ADGRB1: variants seen among roughly 807,000 people sequenced by gnomAD.
ADGRB1 encodes adhesion G protein-coupled receptor B1.
Under a neutral mutation model 175.7 loss-of-function variants are expected in ADGRB1, and 36 were observed. The ratio of observed to expected loss-of-function variants is 0.20; its 90% CI spans 0.16 to 0.27. ADGRB1 has a LOEUF of 0.27. Among genes scored for constraint, ADGRB1 ranks in the 10% least tolerant of loss-of-function variants. The probability of loss-of-function intolerance (pLI) is 1.00; values close to 1 mark genes in which losing one functional copy is unlikely to be tolerated. For missense variants in ADGRB1, 1,731 were observed against 2,255.3 expected (o/e 0.77, Z 4.71); for synonymous variants, 1,054 against 979.4 (o/e 1.08, Z -1.42).
At position 142,510,359 on chromosome 8, in the gene ADGRB1, C is replaced by A. The variant is rs551378993; in HGVS notation, c.2676-573C>A. Among the ~76,000 whole-genome samples, 23 of 150,916 alleles carry A rather than the reference C, an allele frequency of 1.5e-4. No individual in the cohort carries two copies. Among genetic ancestry groups the A allele is most frequent in the Non-Finnish European group, 2.5e-4 (17 of 67,650 alleles). The stretch of plus-strand genomic sequence containing the variant: ...CGCAGGCACCAGGGGTGATGAGGCC[C>A]GGGGGAGGTGGATGTGGGGGATGGA... On this transcript the variant is annotated intron_variant, in intron 17 of 30. Coordinates refer to ENST00000517894, the MANE Select transcript of ADGRB1 (RefSeq NM_001702.3). This position sits in a 1 kb window ranked among gnomAD's most constrained non-coding sequence, Gnocchi z 6.3.
chr8:142,475,896 C>G (rs868123771), intron 3 of ADGRB1, among the ~76,000 whole-genome samples: 1 of 145,216 alleles, frequency 6.9e-6, no homozygotes, highest in Non-Finnish European at 1.5e-5. Context: ...GACCTAAACT[C>G]GGGGCTGGCC....
At chr8:142,525,301 G>A (rs1348059968) in intron 23 of ADGRB1, among the ~76,000 whole-genome samples, 1 of 151,450 alleles carries the variant, frequency 6.6e-6, no homozygotes, top group Non-Finnish European at 1.5e-5. Flanking sequence ...TGGGGTACCT[G>A]GCGGTACCCC....
rs372236778 is a variant in ADGRB1, at chr8:142,464,589, G to A, written c.391G>A (p.Ala131Thr). The change falls in exon 2 of 31, where the codon GCA becomes ACA. Residue 131 changes from alanine to threonine, a missense_variant. Around this residue, in one of 8 missense-constraint regions of ADGRB1, gnomAD observed 383 missense variants for 383.1 expected, o/e 1.00. Transcript: ENST00000517894. ...GGTGCTGCGGCTCTGCGACCCCTCC[G>A]CACCCCTGGCCTTCCTGCAGGCCAG... is the stretch of plus-strand genomic sequence containing the variant. ...DEVLRLCDPS[A>T]PLAFLQASKQ... 610 of 1,531,794 alleles carry A rather than the reference G, an allele frequency of 4.0e-4. No individual in the cohort carries two copies. Among genetic ancestry groups the A allele is most frequent in the Non-Finnish European group, 4.7e-4 (539 of 1,141,958 alleles). The allele number at this position is 1,531,794 out of a possible 1,614,324, so 94.9% of individuals were successfully genotyped here.
Position 142,544,418 on chromosome 8 carries a change from G to A in ADGRB1, c.*1G>A. The A allele has an allele frequency of 6.8e-7, 1 of 1,473,898 alleles. No homozygotes were observed. The highest frequency in any genetic ancestry group is 1.4e-5 in the South Asian group (1 of 72,698). 91.3% of individuals were successfully genotyped at this position (1,473,898 alleles called of 1,614,324 possible). ...CATCGACCTCCAGACCGAGGTCTGAGCGGGTGGGCGGCGGCCACGCACTGG... is the reference window on the plus strand; with the variant it reads ...CATCGACCTCCAGACCGAGGTCTGAACGGGTGGGCGGCGGCCACGCACTGG... On this transcript the variant is annotated 3_prime_UTR_variant, in exon 31 of 31. Transcript: ENST00000517894.
chr8:142,499,115 C>G (rs1436636291), intron 17 of ADGRB1, among the ~76,000 whole-genome samples: 1 of 152,214 alleles, frequency 6.6e-6, no homozygotes, highest in African/African-American at 2.4e-5. Context: ...AATGCCCACT[C>G]CAGGCAGGCC....
chr8:142,455,235 C>T lies in ADGRB1; in HGVS notation c.-220+5131C>T, dbSNP rs960245057. 6.6e-6 allele frequency among the ~76,000 whole-genome samples: 1 copy of T among 151,906 alleles called. No homozygotes were observed. The highest frequency in any genetic ancestry group is 2.4e-5 in the African/African-American group (1 of 41,324). On this transcript the variant is annotated intron_variant, in intron 1 of 30. Coordinates refer to ENST00000517894, the MANE Select transcript of ADGRB1 (RefSeq NM_001702.3). The surrounding 1 kb of genome is among the most constrained non-coding windows in gnomAD (Gnocchi z 4.9). ...CAACACCAAAGCCAACAAACACCTT[C>T]CCCCCATCACTCCCACTCGCCTCAG...
chr8:142,476,096 A>G (rs1026232265), intron 3 of ADGRB1, among the ~76,000 whole-genome samples: 3 of 152,202 alleles, frequency 2.0e-5, no homozygotes, highest in African/African-American at 4.8e-5. Flanking sequence ...CTGCCTCCAG[A>G]ATGTATTTCT....
intron 25 of ADGRB1, among the ~76,000 whole-genome samples, chr8:142,536,069 G>A (rs1235065784): frequency 6.6e-6 from 1 of 152,148 alleles, no homozygotes; most frequent in African/African-American, 2.4e-5. Flanking sequence ...CTAGGTGAGG[G>A]AACAGGGCCA....
At chr8:142,460,297 C>G (rs1197191488) in intron 1 of ADGRB1, among the ~76,000 whole-genome samples, 3 of 152,214 alleles carry the variant, frequency 2.0e-5, no homozygotes, top group Non-Finnish European at 2.9e-5. Context: ...CCCGTGCCCA[C>G]TGGCAGGCTC....
At position 142,488,470 on chromosome 8, in the gene ADGRB1, C is replaced by T. The variant is rs1271304032; in HGVS notation, c.2415C>T (p.Val805=). The T allele has an allele frequency of 1.9e-6, 3 of 1,613,010 alleles. No homozygotes were observed. The highest frequency in any genetic ancestry group is 2.2e-5 in the East Asian group (1 of 44,874). Residue 805 remains valine (V), a synonymous_variant, in exon 14 of 31, where the codon GTC becomes GTT. Transcript: ENST00000517894. ...GGGCCAAGGTGCCAGAGGACAGGGTCACTGTGTCCAAGAGTGTCTTCTCCA... is the reference window on the plus strand; with the variant it reads ...GGGCCAAGGTGCCAGAGGACAGGGTTACTGTGTCCAAGAGTGTCTTCTCCA... ...GDWAKVPEDR[V]TVSKSVFSTG... is the part of the protein sequence containing the mutation.
chr8:142,481,229 C>T, intron 9 of ADGRB1, 25 bp from the exon 10 acceptor site: 1 of 1,609,468 alleles, frequency 6.2e-7, no homozygotes, highest in Non-Finnish European at 8.5e-7. Flanking sequence ...CGGGCATCCA[C>T]CTGAGAAGGG....
In ADGRB1 at chr8:142,510,282, C is replaced by A. The variant is rs963197057; in HGVS notation, c.2676-650C>A. 6.6e-6 allele frequency among the ~76,000 whole-genome samples: 1 copy of A among 152,008 alleles called. No homozygotes were observed. The highest frequency in any genetic ancestry group is 2.4e-5 in the African/African-American group (1 of 41,416). Reference sequence around the variant, plus strand: ...TGGGTCAGACCGCAGAGGGAAGTTTCCAGCGGCAAGCCTCCCCGCGGGGAA... The same window carrying A: ...TGGGTCAGACCGCAGAGGGAAGTTTACAGCGGCAAGCCTCCCCGCGGGGAA... On this transcript the variant is annotated intron_variant, in intron 17 of 30. Coordinates refer to ENST00000517894, the MANE Select transcript of ADGRB1 (RefSeq NM_001702.3). This position sits in a 1 kb window ranked among gnomAD's most constrained non-coding sequence, Gnocchi z 6.3.
chr8:142,460,656 A>T (rs1169959556), intron 1 of ADGRB1, among the ~76,000 whole-genome samples: 1 of 152,140 alleles, frequency 6.6e-6, no homozygotes, highest in African/African-American at 2.4e-5. Flanking sequence ...CAGTCTGCCG[A>T]GGCCCCAGGT....
chr8:142,482,501 A>C, intron 11 of ADGRB1, among the ~76,000 whole-genome samples: 1 of 134,540 alleles, frequency 7.4e-6, no homozygotes, highest in African/African-American at 2.9e-5. Context: ...CTGAGCCCTG[A>C]CCCTGGTCAC....
chr8:142,539,457 T>G (rs1845135293), intron 27 of ADGRB1, 44 bp downstream of exon 27: 1 of 1,590,298 alleles, frequency 6.3e-7, no homozygotes, highest in South Asian at 1.1e-5. Context: ...CCCGGCCCCC[T>G]GCATGGCCCC....
At chr8:142,530,816 C>T (rs887952416) in intron 24 of ADGRB1, among the ~76,000 whole-genome samples, 6 of 152,194 alleles carry the variant, frequency 3.9e-5, no homozygotes, top group Admixed American at 6.5e-5. Flanking sequence ...CCCCGCACCC[C>T]GGGCACCTGC....
intron 18 of ADGRB1, 30 bp from the exon 19 acceptor site, chr8:142,518,108 C>T (rs375070037): frequency 1.2e-6 from 2 of 1,607,382 alleles, no homozygotes; most frequent in East Asian, 2.2e-5. Flanking sequence ...GGGTGCCTCA[C>T]TCCCTGCGGT....
chr8:142,530,394 T>C (rs1442424167), intron 24 of ADGRB1, among the ~76,000 whole-genome samples: 1 of 152,066 alleles, frequency 6.6e-6, no homozygotes, highest in African/African-American at 2.4e-5. Context: ...GTGGGGCCAG[T>C]TGGGCTTTCC....
Position 142,542,400 on chromosome 8 carries a change from C to T in ADGRB1, c.4166C>T (p.Pro1389Leu). ...AGCACGGCCCCCGAGGCCAGCCTCC[C>T]CGCCCGCAGCCCGCCCTCCCGCCAG... Reference protein sequence around the residue: ...HLSTAPEASLPARSPPSRQPP... With the variant: ...HLSTAPEASLLARSPPSRQPP... Residue 1389 changes from proline to leucine, a missense_variant, in exon 28 of 31, where the codon CCC (proline) becomes CTC (leucine). Transcript: ENST00000517894. The surrounding 1 kb of genome is among the most constrained non-coding windows in gnomAD (Gnocchi z 6.3). 6.5e-7 allele frequency: 1 copy of T among 1,546,636 alleles called. No homozygotes were observed. Among genetic ancestry groups the T allele is most frequent in the Non-Finnish European group, 8.7e-7 (1 of 1,146,542 alleles).
Sources: allele counts gnomAD v4.1 joint callset (sites outside exome capture counted in the v4.1 genomes callset), GRCh38; gene constraint gnomAD v4.1.1; regional missense constraint gnomAD v4.1.1; non-coding constraint Gnocchi (gnomAD v3.1); transcripts MANE v1.5; gene names NCBI Gene and HGNC (gene_info 2026-07-23, HGNC 2026-07-21).